The following FAM81A variants were observed in gnomAD, a reference collection of about 807,000 sequenced individuals.
FAM81A encodes the protein family with sequence similarity 81 member A.
In FAM81A, 19 loss-of-function variants were observed where a neutral mutation model predicts 46.7. The ratio of observed to expected loss-of-function variants is 0.41; its 90% confidence interval spans 0.28 to 0.60. The LOEUF is 0.60. Ranked by LOEUF, FAM81A falls within the 20% of genes least tolerant of loss-of-function variation. FAM81A has a pLI of 0.34. For missense variants in FAM81A, 377 were observed against 453.5 expected, an observed-to-expected ratio of 0.83 and a Z score of 1.53; for synonymous variants, 183 against 152.9, an observed-to-expected ratio of 1.20 and a Z score of -1.45.
In FAM81A at chr15:59,460,239, C is replaced by G. The variant is rs759585453; in HGVS notation, c.294+33C>G. The G allele has an allele frequency of 6.2e-7, 1 of 1,613,640 alleles. No individual in the cohort carries two copies. Among genetic ancestry groups the G allele is most frequent in the East Asian group, 2.2e-5 (1 of 44,898 alleles). On this transcript the variant is annotated intron_variant, in intron 3 of 8. Coordinates refer to ENST00000288228, the MANE Select transcript of FAM81A (RefSeq NM_152450.3). This position sits in a 1 kb window ranked among gnomAD's most constrained non-coding sequence, Gnocchi z 4.4. ...TTGTGAAAGTCAGGTGGCCTATGTC[C>G]CTTTCCACAGAATTGCTCCATGTCA...
chr15:59,417,105 C>T (rs1259734440), intron 2 of FAM81A, among the ~76,000 whole-genome samples: 2 of 151,974 alleles, frequency 1.3e-5, no homozygotes, highest in Non-Finnish European at 2.9e-5. Flanking sequence ...CTGAAAGAAT[C>T]CTGGGAAATA....
intron 1 of FAM81A, among the ~76,000 whole-genome samples, chr15:59,454,792 A>T (rs866245174): frequency 2.0e-5 from 3 of 150,996 alleles, no homozygotes; most frequent in Middle Eastern, 3.4e-3. Context: ...TGCCCAGCTA[A>T]TTTTTTTTAT....
At position 59,460,255 on chromosome 15, in the gene FAM81A, C is replaced by T. The variant is rs750685979; in HGVS notation, c.294+49C>T. ...GCCTATGTCCCTTTCCACAGAATTG[C>T]TCCATGTCAGGAGGTCACCCACATC... On this transcript the variant is annotated intron_variant, in intron 3 of 8. Coordinates refer to ENST00000288228, the MANE Select transcript of FAM81A (RefSeq NM_152450.3). This position sits in a 1 kb window ranked among gnomAD's most constrained non-coding sequence, Gnocchi z 4.4. The T allele has an allele frequency of 1.2e-5, 19 of 1,613,152 alleles. No homozygotes were observed. Among genetic ancestry groups the T allele is most frequent in the Non-Finnish European group, 1.6e-5 (19 of 1,179,512 alleles).
rs766734649 is a variant in FAM81A, at chr15:59,516,833, T to G, written c.975T>G (p.Val325=). ...NQNIKEMKAE[V]NAGFTAVYES... is the part of the protein sequence containing the mutation. Reference sequence around the variant, plus strand: ...ACATCAAGGAAATGAAAGCAGAAGTTAATGCTGGTAGGCCAAAACCAGAAC... The same window carrying G: ...ACATCAAGGAAATGAAAGCAGAAGTGAATGCTGGTAGGCCAAAACCAGAAC... Residue 325 remains valine, a synonymous_variant, in exon 8 of 9, where the codon GTT becomes GTG. Coordinates refer to ENST00000288228, the MANE Select transcript of FAM81A (RefSeq NM_152450.3). 1.9e-6 allele frequency: 3 copies of G among 1,598,368 alleles called. No homozygotes were observed. The highest frequency in any genetic ancestry group is 1.7e-6 in the Non-Finnish European group (2 of 1,174,576).
At chr15:59,461,387 C>G (rs1038994682) in intron 3 of FAM81A, among the ~76,000 whole-genome samples, 9 of 152,154 alleles carry the variant, frequency 5.9e-5, no homozygotes, top group Non-Finnish European at 1.0e-4. Flanking sequence ...TCAGGCTCAA[C>G]CGATCCTCCT....
At chr15:59,417,180 G>T (rs1463089789) in intron 2 of FAM81A, among the ~76,000 whole-genome samples, 1 of 152,092 alleles carries the variant, frequency 6.6e-6, no homozygotes, top group Non-Finnish European at 1.5e-5. Context: ...CTTGCTGAAG[G>T]TCCAGATGGA....
chr15:59,493,399 T>C (rs1288132552), intron 4 of FAM81A, among the ~76,000 whole-genome samples: 6 of 152,162 alleles, frequency 3.9e-5, no homozygotes, highest in Non-Finnish European at 8.8e-5. Flanking sequence ...CTCATCAGGA[T>C]GAACTCCAGT....
intron 1 of FAM81A, among the ~76,000 whole-genome samples, chr15:59,400,836 C>T (rs7162851): frequency 0.34 from 51,258 of 152,088 alleles, 9,949 homozygotes; most frequent in African/African-American, 0.55. Flanking sequence ...TTTTCTTTCT[C>T]TTAATACACA....
chr15:59,495,924 C>T (rs1224703115), intron 4 of FAM81A, among the ~76,000 whole-genome samples: 3 of 152,052 alleles, frequency 2.0e-5, no homozygotes, highest in African/African-American at 4.8e-5. Flanking sequence ...GATATAATTC[C>T]CTTATCAGAT....
chr15:59,402,026 G>T, intron 1 of FAM81A: 1 of 599,540 alleles, frequency 1.7e-6, no homozygotes, highest in East Asian at 3.0e-5. Context: ...AGAGCTGCCA[G>T]GAGCAGCCCC....
At chr15:59,428,009 T>TTA (rs377637474) in intron 2 of FAM81A, among the ~76,000 whole-genome samples, 3 of 152,224 alleles carry the variant, frequency 2.0e-5, no homozygotes, top group African/African-American at 7.2e-5. Context: ...CTGTGCTAAT[T>TTA]TACATTTCTA....
chr15:59,399,674 C>T (rs746716079), intron 1 of FAM81A, among the ~76,000 whole-genome samples: 4 of 152,160 alleles, frequency 2.6e-5, no homozygotes, highest in Non-Finnish European at 5.9e-5. Flanking sequence ...AGTTGCTCCT[C>T]TGGCTGATTG....
At chr15:59,494,850 T>C (rs2082017478) in intron 4 of FAM81A, among the ~76,000 whole-genome samples, 2 of 152,164 alleles carry the variant, frequency 1.3e-5, no homozygotes, top group African/African-American at 4.8e-5. Context: ...GTGATGTAAT[T>C]AGTAGCAAAT....
chr15:59,503,659 G>A (rs1163931130), intron 4 of FAM81A, among the ~76,000 whole-genome samples: 10 of 151,656 alleles, frequency 6.6e-5, no homozygotes, highest in African/African-American at 2.2e-4. Context: ...TGCAACCTCC[G>A]CCTCCCAGGC....
intron 3 of FAM81A, among the ~76,000 whole-genome samples, chr15:59,470,556 G>A (rs933642421): frequency 5.3e-5 from 8 of 152,084 alleles, no homozygotes; most frequent in Non-Finnish European, 1.0e-4. Context: ...AGCTCCATCA[G>A]GTCATTTAAG....
intron 2 of FAM81A, among the ~76,000 whole-genome samples, chr15:59,411,372 C>T (rs1296160955): frequency 1.3e-5 from 2 of 152,156 alleles, no homozygotes; most frequent in Non-Finnish European, 2.9e-5. Context: ...GGTATATATG[C>T]ATCTTCCAAT....
At chr15:59,416,540 G>A (rs1042430135) in intron 2 of FAM81A, among the ~76,000 whole-genome samples, 7 of 152,200 alleles carry the variant, frequency 4.6e-5, no homozygotes, top group Admixed American at 4.6e-4. Flanking sequence ...CAGAAACTGT[G>A]AACCACAGCT....
At chr15:59,415,837 C>T (rs2081144467) in intron 2 of FAM81A, among the ~76,000 whole-genome samples, 1 of 152,142 alleles carries the variant, frequency 6.6e-6, no homozygotes, top group African/African-American at 2.4e-5. Flanking sequence ...AACCACTCTC[C>T]TATACCTCTT....
chr15:59,514,533 T>C, intron 7 of FAM81A, 109 bp downstream of exon 7: 1 of 1,372,100 alleles, frequency 7.3e-7, no homozygotes, highest in Non-Finnish European at 9.8e-7. Context: ...TTCAATTGTT[T>C]CTTGCCTTAA....
Sources: gnomAD v4.1 joint callset for allele counts (sites outside exome capture counted in the v4.1 genomes callset) on GRCh38, gnomAD v4.1.1 for gene constraint, Gnocchi (gnomAD v3.1) non-coding constraint, MANE v1.5 for transcripts, NCBI Gene and HGNC (gene_info 2026-07-23, HGNC 2026-07-21) for gene names.